The following DOCK3 variants were observed in gnomAD, a reference collection of about 807,000 sequenced individuals.
DOCK3 encodes the protein dedicator of cytokinesis protein 3.
Under a neutral mutation model 265.6 loss-of-function variants are expected in DOCK3, and 60 were observed. That is an observed-to-expected ratio of 0.23 (90% CI 0.18 to 0.28). DOCK3 has a LOEUF of 0.28. Among genes scored for constraint, DOCK3 ranks in the 10% least tolerant of loss-of-function variants. The pLI is 1.00. For synonymous variants in DOCK3, 881 were observed against 938.0 expected, an observed-to-expected ratio of 0.94 and a Z score of 1.11; for missense variants, 1,981 against 2,594.3, an observed-to-expected ratio of 0.76 and a Z score of 5.14.
intron 5 of DOCK3, among the ~76,000 whole-genome samples, chr3:51,018,625 C>T (rs537873732): frequency 5.3e-5 from 8 of 151,698 alleles, no homozygotes; most frequent in South Asian, 2.1e-4. Context: ...AGTCTAGACA[C>T]GCAATTCATT....
chr3:51,182,172 T>G (rs1282857741), intron 12 of DOCK3, among the ~76,000 whole-genome samples: 1 of 152,164 alleles, frequency 6.6e-6, no homozygotes, highest in Non-Finnish European at 1.5e-5. Context: ...TTAAACTGCC[T>G]ATGTTTGAAT....
intron 5 of DOCK3, among the ~76,000 whole-genome samples, chr3:50,934,537 C>G (rs907639578): frequency 6.6e-6 from 1 of 152,058 alleles, no homozygotes; most frequent in African/African-American, 2.4e-5. Context: ...AATAGAAAAT[C>G]TAATAAAAGC....
intron 3 of DOCK3, among the ~76,000 whole-genome samples, chr3:50,850,287 G>T (rs2046298843): frequency 6.6e-6 from 1 of 151,418 alleles, no homozygotes; most frequent in Non-Finnish European, 1.5e-5. Flanking sequence ...TTGAACCCAG[G>T]AGGCAGAGAT....
chr3:51,275,401 T>A (rs916938099), intron 25 of DOCK3, among the ~76,000 whole-genome samples, 195 bp downstream of exon 25: 3 of 152,220 alleles, frequency 2.0e-5, no homozygotes, highest in Admixed American at 1.3e-4. Context: ...ATTCTTGCTA[T>A]TTTTAAAGGT....
intron 2 of DOCK3, among the ~76,000 whole-genome samples, chr3:50,790,875 T>C (rs2042436896): frequency 6.6e-6 from 1 of 152,204 alleles, no homozygotes; most frequent in Non-Finnish European, 1.5e-5. Flanking sequence ...TGATCAATGA[T>C]ACTTTTTTTC....
intron 3 of DOCK3, among the ~76,000 whole-genome samples, chr3:50,883,195 A>C (rs1194058757): frequency 6.6e-6 from 1 of 152,170 alleles, no homozygotes; most frequent in Admixed American, 6.5e-5. Context: ...GCAGCACACC[A>C]ACATGGCACA....
chr3:50,987,204 A>G (rs1215920529), intron 5 of DOCK3, among the ~76,000 whole-genome samples: 2 of 152,212 alleles, frequency 1.3e-5, no homozygotes, highest in African/African-American at 2.4e-5. Flanking sequence ...GTAGGATTGA[A>G]ATGCTAGAAT....
intron 7 of DOCK3, among the ~76,000 whole-genome samples, chr3:51,081,146 A>T (rs953412204): frequency 1.3e-5 from 2 of 152,200 alleles, no homozygotes; most frequent in Non-Finnish European, 2.9e-5. Context: ...ATTTAAATTA[A>T]TATTTAATTG....
chr3:51,229,669 A>T lies in DOCK3; in HGVS notation c.1917+60A>T, dbSNP rs2090465809. On this transcript the variant is annotated intron_variant, in intron 19 of 52. Transcript: ENST00000266037. The stretch of plus-strand genomic sequence containing the variant: ...AGGAAGAATCTGGGCAGAAGACCTT[A>T]CTTTGTCATGATTTTTGCCAATAAC... 3.9e-6 allele frequency: 5 copies of T among 1,293,260 alleles called. No individual in the cohort carries two copies. In the East Asian group the frequency reaches 1.1e-4, roughly 29 times the overall value. 80.1% of individuals were successfully genotyped at this position (1,293,260 alleles called of 1,614,324 possible).
chr3:50,970,440 G>A (rs1450485550), intron 5 of DOCK3, among the ~76,000 whole-genome samples: 1 of 151,778 alleles, frequency 6.6e-6, no homozygotes, highest in Admixed American at 6.6e-5. Context: ...ACATAGGTTT[G>A]GATATATTAC....
intron 8 of DOCK3, 25 bp from the exon 9 acceptor site, chr3:51,090,205 A>T (rs2082586787): frequency 6.6e-7 from 1 of 1,522,636 alleles, no homozygotes. Flanking sequence ...AATAAAAATC[A>T]CTGGGTTTTT....
intron 1 of DOCK3, among the ~76,000 whole-genome samples, chr3:50,701,376 C>T (rs2107819846): frequency 6.6e-6 from 1 of 152,246 alleles, no homozygotes; most frequent in East Asian, 1.9e-4. Context: ...CCTTGGCCTC[C>T]CAAAGTGATG....
intron 5 of DOCK3, among the ~76,000 whole-genome samples, chr3:51,016,910 A>T (rs111903656): frequency 8.4e-6 from 1 of 118,956 alleles, no homozygotes. Context: ...ATATATGTTT[A>T]TATATAAATA....
intron 9 of DOCK3, among the ~76,000 whole-genome samples, chr3:51,091,957 G>T (rs1353187333): frequency 6.6e-6 from 1 of 152,118 alleles, no homozygotes; most frequent in Non-Finnish European, 1.5e-5. Flanking sequence ...TGAGCCTGAC[G>T]AACTGTGCAC....
intron 12 of DOCK3, among the ~76,000 whole-genome samples, chr3:51,169,099 A>G (rs1393912011): frequency 6.6e-6 from 1 of 152,196 alleles, no homozygotes; most frequent in African/African-American, 2.4e-5. Flanking sequence ...GATGCTGGTG[A>G]AGTTGCAGAG....
At chr3:51,032,295 A>G (rs1158246026) in intron 5 of DOCK3, among the ~76,000 whole-genome samples, 1 of 152,214 alleles carries the variant, frequency 6.6e-6, no homozygotes, top group Non-Finnish European at 1.5e-5. Context: ...AGTCTTAGTA[A>G]GAATATGATT....
intron 5 of DOCK3, among the ~76,000 whole-genome samples, chr3:50,989,764 A>T (rs2078040033): frequency 6.6e-6 from 1 of 152,216 alleles, no homozygotes; most frequent in Non-Finnish European, 1.5e-5. Flanking sequence ...CTTCCAGATG[A>T]CCACACCAGT....
At chr3:51,253,258 A>G (rs768928177) in intron 22 of DOCK3, among the ~76,000 whole-genome samples, 18 of 152,186 alleles carry the variant, frequency 1.2e-4, no homozygotes, top group South Asian at 2.1e-4. Flanking sequence ...TACTGGATTC[A>G]GTTTGCTAGT....
chr3:50,954,767 A>G (rs1221895290), intron 5 of DOCK3, among the ~76,000 whole-genome samples: 1 of 152,062 alleles, frequency 6.6e-6, no homozygotes, highest in Non-Finnish European at 1.5e-5. Flanking sequence ...CTCCCAATCT[A>G]TAGGTTGTCT....
Sources: allele counts gnomAD v4.1 joint callset (sites outside exome capture counted in the v4.1 genomes callset), GRCh38; gene constraint gnomAD v4.1.1; transcripts MANE v1.5; gene names NCBI Gene and HGNC (gene_info 2026-07-23, HGNC 2026-07-21).